HACD4: variants seen among roughly 807,000 people sequenced by gnomAD.
HACD4 encodes the protein very-long-chain (3R)-3-hydroxyacyl-CoA dehydratase 4.
A neutral mutation model predicts 33.3 loss-of-function variants in HACD4; 35 were observed. The ratio of observed to expected loss-of-function variants is 1.05; its 90% CI spans 0.80 to 1.39. HACD4 has a LOEUF of 1.39. Ranked by LOEUF, HACD4 falls within the 40% of genes most tolerant of loss-of-function variation. HACD4 has a pLI of 0.00. For synonymous variants in HACD4, 118 were observed against 98.0 expected (o/e 1.20, Z -1.21); for missense variants, 323 against 276.5 (o/e 1.17, Z -1.19).
At chr9:21,015,783 GA>G (rs925228149) in intron 4 of HACD4, 114 bp downstream of exon 4, 19 of 573,326 alleles carry the variant, frequency 3.3e-5, no homozygotes, top group Admixed American at 2.9e-4. Flanking sequence ...AAAATAATTT[GA>G]AAAGGGGTTA....
intron 2 of HACD4, among the ~76,000 whole-genome samples, chr9:21,028,387 T>C (rs566435673): frequency 2.0e-4 from 31 of 152,316 alleles, no homozygotes; most frequent in African/African-American, 7.5e-4. Context: ...TTGAAAACTC[T>C]CAACATTTGT....
At chr9:21,012,337 T>G (rs1340517583) in intron 4 of HACD4, among the ~76,000 whole-genome samples, 1 of 152,248 alleles carries the variant, frequency 6.6e-6, no homozygotes, top group Non-Finnish European at 1.5e-5. Context: ...CTCCAAAGTT[T>G]CTGATCCAAT....
chr9:21,028,777 G>A (rs1214400922), intron 2 of HACD4, among the ~76,000 whole-genome samples: 1 of 151,754 alleles, frequency 6.6e-6, no homozygotes, highest in East Asian at 1.9e-4. Flanking sequence ...CATTAATGCT[G>A]ACTCCTATAT....
chr9:21,005,387 G>A lies in HACD4; in HGVS notation c.*1650C>T, dbSNP rs1322524451. 9 of 152,226 alleles carry A rather than the reference G, an allele frequency of 5.9e-5. No individual in the cohort carries two copies. Among genetic ancestry groups the A allele is most frequent in the Admixed American group, 1.3e-4 (2 of 15,282 alleles). The allele number at this position is 152,226 out of a possible 1,614,324, so 9.4% of individuals were successfully genotyped here. On this transcript the variant is annotated 3_prime_UTR_variant, in exon 7 of 7. Coordinates refer to ENST00000495827, the MANE Select transcript of HACD4 (RefSeq NM_001010915.5). This position sits in a 1 kb window ranked among gnomAD's most constrained non-coding sequence, Gnocchi z 4.0. Reference sequence around the variant, plus strand: ...ACACGTTTGGTAGAGAACACTAAGAGTGTAGCAGACAAGTCATCCAATTAG... The same window carrying A: ...ACACGTTTGGTAGAGAACACTAAGAATGTAGCAGACAAGTCATCCAATTAG...
chr9:21,021,343 A>G (rs1014829017), intron 3 of HACD4, among the ~76,000 whole-genome samples: 7 of 151,934 alleles, frequency 4.6e-5, no homozygotes, highest in Non-Finnish European at 1.0e-4. Flanking sequence ...CTCTCTCACC[A>G]CTCCTATTCA....
intron 4 of HACD4, chr9:21,015,095 C>T (rs1245941047): frequency 6.6e-6 from 1 of 152,118 alleles, no homozygotes; most frequent in East Asian, 1.9e-4. Context: ...ATTCATTTTA[C>T]TTCAGCAAAA....
chr9:21,007,709 T>C (rs1478848890), intron 6 of HACD4, among the ~76,000 whole-genome samples: 3 of 152,212 alleles, frequency 2.0e-5, no homozygotes, highest in Non-Finnish European at 2.9e-5. Context: ...TCTTCTTAGT[T>C]TGACATCTAG....
At chr9:21,023,217 G>A (rs1361415402) in intron 3 of HACD4, among the ~76,000 whole-genome samples, 1 of 136,096 alleles carries the variant, frequency 7.3e-6, no homozygotes, top group Admixed American at 7.5e-5. Flanking sequence ...GGGGCCTGTT[G>A]TGGGGTGGGG....
chr9:21,011,900 T>C (rs1842447932), intron 4 of HACD4, among the ~76,000 whole-genome samples: 1 of 152,198 alleles, frequency 6.6e-6, no homozygotes, highest in Non-Finnish European at 1.5e-5. Flanking sequence ...AGATCATTAA[T>C]AATTATAAAG....
chr9:21,020,960 G>A (rs1204313135), intron 3 of HACD4, among the ~76,000 whole-genome samples: 1 of 152,090 alleles, frequency 6.6e-6, no homozygotes, highest in South Asian at 2.1e-4. Flanking sequence ...AAATAAAGAT[G>A]TGCATGTAAA....
Position 21,011,493 on chromosome 9 carries a change from G to C in HACD4, c.490+96C>G, listed in dbSNP as rs964503071. ...GATACACTGAGTGAGCTAAGCATTCGCAAAAATAGTAATTTAATCATCAAA... is the reference window on the plus strand; with the variant it reads ...GATACACTGAGTGAGCTAAGCATTCCCAAAAATAGTAATTTAATCATCAAA... On this transcript the variant is annotated intron_variant, in intron 5 of 6. Coordinates refer to ENST00000495827, the MANE Select transcript of HACD4 (RefSeq NM_001010915.5). 30 of 758,112 alleles carry C rather than the reference G, an allele frequency of 4.0e-5. No homozygotes were observed. The Admixed American group carries it at 6.4e-4, about 16-fold the overall frequency. The allele number at this position is 758,112 out of a possible 1,614,324, so 47.0% of individuals were successfully genotyped here. A position where few individuals can be genotyped will look rare whatever the true frequency, so the allele number is the denominator to read the frequency against.
At chr9:21,029,090 T>C (rs1485457387) in intron 2 of HACD4, among the ~76,000 whole-genome samples, 1 of 152,190 alleles carries the variant, frequency 6.6e-6, no homozygotes, top group Non-Finnish European at 1.5e-5. Flanking sequence ...AACTGCCAAC[T>C]CAGGGGGAAG....
intron 2 of HACD4, among the ~76,000 whole-genome samples, chr9:21,028,846 T>C (rs1468534782): frequency 1.3e-5 from 2 of 152,182 alleles, no homozygotes; most frequent in Non-Finnish European, 2.9e-5. Flanking sequence ...AGGGACCAAA[T>C]AGAGGCTTGG....
intron 1 of HACD4, among the ~76,000 whole-genome samples, chr9:21,029,603 T>G (rs1167948719): frequency 3.3e-5 from 5 of 152,232 alleles, no homozygotes; most frequent in African/African-American, 1.2e-4. Context: ...ATACAGATGC[T>G]TCTTCACTTA....
At chr9:21,010,457 C>T (rs73649328) in intron 5 of HACD4, among the ~76,000 whole-genome samples, 709 of 2,676 alleles carry the variant, frequency 0.26, 35 homozygotes, top group East Asian at 0.5. Flanking sequence ...CATCCTGGTA[C>T]CCCCCCCCCC....
At chr9:21,010,318 A>C (rs771548526) in intron 5 of HACD4, among the ~76,000 whole-genome samples, 5 of 152,110 alleles carry the variant, frequency 3.3e-5, no homozygotes, top group Non-Finnish European at 7.3e-5. Flanking sequence ...GAATGATTTG[A>C]TCTTAAGTTT....
rs536580690 is a variant in HACD4, at chr9:21,009,647, A to G, written c.491-1501T>C. Among the ~76,000 whole-genome samples the G allele has an allele frequency of 9.2e-5, 14 of 152,308 alleles. No homozygotes were observed. In the East Asian group the frequency reaches 2.1e-3, roughly 23 times the overall value. On this transcript the variant is annotated intron_variant, in intron 5 of 6. Coordinates refer to ENST00000495827, the MANE Select transcript of HACD4 (RefSeq NM_001010915.5). ...GAATGATTAAATCAAGCTAATTAAC[A>G]TATCTACCACCTCGCTTACTTTTCG... is the stretch of plus-strand genomic sequence containing the variant.
At chr9:21,019,211 C>T (rs1817836139) in intron 3 of HACD4, among the ~76,000 whole-genome samples, 1 of 152,002 alleles carries the variant, frequency 6.6e-6, no homozygotes, top group Non-Finnish European at 1.5e-5. Flanking sequence ...AGACCAAGCC[C>T]CTGCCTTCAT....
Position 21,031,598 on chromosome 9 carries a change from C to G in HACD4, c.-8G>C, listed in dbSNP as rs1440352162. On this transcript the variant is annotated 5_prime_UTR_variant, in exon 1 of 7. Transcript: ENST00000495827. ...CAGCGCCAAGGGCCCCATGGGCCGC[C>G]GCCGCCAGGGCTTCCAGCGCGGTCC... 8 of 1,427,676 alleles carry G rather than the reference C, an allele frequency of 5.6e-6. No individual in the cohort carries two copies. Among genetic ancestry groups the G allele is most frequent in the East Asian group, 3.0e-5 (1 of 33,074 alleles). 88.4% of individuals were successfully genotyped at this position (1,427,676 alleles called of 1,614,324 possible).
Sources: allele counts gnomAD v4.1 joint callset (sites outside exome capture counted in the v4.1 genomes callset), GRCh38; gene constraint gnomAD v4.1.1; non-coding constraint Gnocchi (gnomAD v3.1); transcripts MANE v1.5; gene names NCBI Gene and HGNC (gene_info 2026-07-23, HGNC 2026-07-21).